The following FUT9 variants were observed in gnomAD, a reference collection of about 807,000 sequenced individuals.
FUT9 encodes fucosyltransferase 9, also known as 4-galactosyl-N-acetylglucosaminide 3-alpha-L-fucosyltransferase 9.
A neutral mutation model predicts 29.7 loss-of-function variants in FUT9; 15 were observed. The observed-to-expected ratio is 0.51, with a 90% confidence interval of 0.34 to 0.78. The LOEUF (loss-of-function observed/expected upper bound fraction) is 0.78, where lower values mean the gene tolerates loss of function less well. Among genes scored for constraint, FUT9 ranks in the 30% least tolerant of loss-of-function variants. FUT9 has a pLI of 0.01. For missense variants in FUT9, 319 were observed against 425.4 expected (o/e 0.75, Z 2.20); for synonymous variants, 169 against 153.7 (o/e 1.10, Z -0.74).
intron 1 of FUT9, among the ~76,000 whole-genome samples, chr6:96,070,686 CAA>C (rs1026642564): frequency 1.3e-5 from 2 of 149,678 alleles, no homozygotes; most frequent in East Asian, 2.0e-4. Context: ...AACCCCATCT[CAA>C]AAAAAAATTA....
At chr6:96,190,544 C>A (rs1463025360) in intron 2 of FUT9, among the ~76,000 whole-genome samples, 1 of 152,140 alleles carries the variant, frequency 6.6e-6, no homozygotes, top group Non-Finnish European at 1.5e-5. Context: ...TCACGTATAC[C>A]AATCAGATGT....
intron 2 of FUT9, among the ~76,000 whole-genome samples, chr6:96,123,808 A>C (rs975580110): frequency 1.3e-5 from 2 of 152,026 alleles, no homozygotes; most frequent in African/African-American, 4.8e-5. Flanking sequence ...GAAATAACTT[A>C]TGAGAAAAAA....
intron 1 of FUT9, among the ~76,000 whole-genome samples, chr6:96,043,627 A>G (rs1770508055): frequency 6.6e-6 from 1 of 152,244 alleles, no homozygotes; most frequent in Non-Finnish European, 1.5e-5. Context: ...AAAATTAACA[A>G]AATTATAATT....
At chr6:96,082,439 G>A (rs1253483235) in intron 1 of FUT9, among the ~76,000 whole-genome samples, 1 of 151,540 alleles carries the variant, frequency 6.6e-6, no homozygotes, top group African/African-American at 2.4e-5. Context: ...AACAAATAGA[G>A]AGATTCCATA....
intron 2 of FUT9, among the ~76,000 whole-genome samples, chr6:96,191,153 C>A (rs1157898035): frequency 6.6e-6 from 1 of 152,028 alleles, no homozygotes; most frequent in African/African-American, 2.4e-5. Flanking sequence ...TTGGAGTTTG[C>A]TGGAGGTCCA....
chr6:96,150,718 C>T (rs987763460), intron 2 of FUT9, among the ~76,000 whole-genome samples: 2 of 152,186 alleles, frequency 1.3e-5, no homozygotes, highest in African/African-American at 4.8e-5. Flanking sequence ...GTTCCATCTG[C>T]AGCACCAATG....
chr6:96,132,438 A>G (rs1211959866), intron 2 of FUT9, among the ~76,000 whole-genome samples: 1 of 152,080 alleles, frequency 6.6e-6, no homozygotes, highest in Non-Finnish European at 1.5e-5. Flanking sequence ...ACTGTGTGTA[A>G]GCATGCATTC....
intron 1 of FUT9, among the ~76,000 whole-genome samples, chr6:96,105,130 A>G (rs9399754): frequency 0.032 from 4,822 of 152,314 alleles, 91 homozygotes; most frequent in East Asian, 0.079. Flanking sequence ...AAGTTTTAAA[A>G]TGATTCAAAA....
chr6:96,183,491 C>T (rs4429956), intron 2 of FUT9, among the ~76,000 whole-genome samples: 25,990 of 151,798 alleles, frequency 0.17, 2,474 homozygotes, highest in Admixed American at 0.25. Context: ...TGAGGAGAAG[C>T]GGTGAGAGTG....
At chr6:96,163,597 CT>C (rs1407066510) in intron 2 of FUT9, among the ~76,000 whole-genome samples, 1 of 151,968 alleles carries the variant, frequency 6.6e-6, no homozygotes, top group African/African-American at 2.4e-5. Context: ...CGCCGATTTC[CT>C]TTTTTTTGTC....
At chr6:96,135,885 C>A (rs1440574466) in intron 2 of FUT9, among the ~76,000 whole-genome samples, 1 of 151,086 alleles carries the variant, frequency 6.6e-6, no homozygotes, top group African/African-American at 2.4e-5. Context: ...GCAAACATTT[C>A]TTTCCAAGAC....
intron 1 of FUT9, among the ~76,000 whole-genome samples, chr6:96,048,987 G>T (rs1254202532): frequency 2.6e-5 from 4 of 152,164 alleles, no homozygotes; most frequent in African/African-American, 9.7e-5. Flanking sequence ...TTCTGGGATA[G>T]TTATAATAAT....
intron 2 of FUT9, among the ~76,000 whole-genome samples, chr6:96,123,975 G>A (rs1383469950): frequency 6.6e-6 from 1 of 151,650 alleles, no homozygotes. Flanking sequence ...ATTGAAAAGA[G>A]GAGTAGAACT....
intron 1 of FUT9, among the ~76,000 whole-genome samples, chr6:96,104,130 G>A (rs1323981070): frequency 6.6e-6 from 1 of 152,166 alleles, no homozygotes; most frequent in African/African-American, 2.4e-5. Context: ...TGTACACACT[G>A]TTAAGGGTAA....
At chr6:96,065,280 A>G (rs1033177900) in intron 1 of FUT9, among the ~76,000 whole-genome samples, 3 of 152,186 alleles carry the variant, frequency 2.0e-5, no homozygotes, top group Admixed American at 6.5e-5. Flanking sequence ...TTCACTGTCT[A>G]GTTGTTCAGT....
At chr6:96,019,631 T>A (rs574319622) in intron 1 of FUT9, among the ~76,000 whole-genome samples, 1 of 152,182 alleles carries the variant, frequency 6.6e-6, no homozygotes, top group Non-Finnish European at 1.5e-5. Flanking sequence ...TGCTATAAAG[T>A]GATACTCTCA....
chr6:96,178,016 C>T (rs1430412127), intron 2 of FUT9, among the ~76,000 whole-genome samples: 1 of 152,096 alleles, frequency 6.6e-6, no homozygotes, highest in Non-Finnish European at 1.5e-5. Flanking sequence ...CTTAAAAGGA[C>T]TAAAAGAGCA....
chr6:96,155,105 T>A (rs967512286), intron 2 of FUT9, among the ~76,000 whole-genome samples: 2 of 152,208 alleles, frequency 1.3e-5, no homozygotes, highest in African/African-American at 2.4e-5. Flanking sequence ...CTCTCAATTC[T>A]ACAGCAGTCA....
intron 2 of FUT9, among the ~76,000 whole-genome samples, chr6:96,201,360 G>T (rs1276605636): frequency 6.6e-6 from 1 of 151,606 alleles, no homozygotes; most frequent in African/African-American, 2.4e-5. Flanking sequence ...GCTATTTTTG[G>T]TATTACATTT....
Sources: gnomAD v4.1 joint callset for allele counts (sites outside exome capture counted in the v4.1 genomes callset) on GRCh38, gnomAD v4.1.1 for gene constraint, MANE v1.5 for transcripts, NCBI Gene and HGNC (gene_info 2026-07-23, HGNC 2026-07-21) for gene names.